Variants in RGS3 observed in about 807,000 individuals in gnomAD.
The protein encoded by RGS3 is regulator of G-protein signalling 3.
RGS3 carries 80 observed loss-of-function variants against 132.6 expected under a neutral mutation model. That is an observed-to-expected ratio of 0.60 (90% CI 0.50 to 0.73). The LOEUF is 0.73. Ranked by LOEUF, RGS3 falls within the 30% of genes least tolerant of loss-of-function variation. RGS3 has a pLI of 0.00. For missense variants in RGS3, 1,382 were observed against 1,530.8 expected (o/e 0.90, Z 1.62); for synonymous variants, 598 against 620.6 (o/e 0.96, Z 0.54).
chr9:113,561,680 C>T (rs565689705), intron 19 of RGS3, among the ~76,000 whole-genome samples: 30 of 152,090 alleles, frequency 2.0e-4, no homozygotes, highest in African/African-American at 7.0e-4. Flanking sequence ...CCTCAGCCTC[C>T]CAAAGTGCTG....
chr9:113,492,712 AT>A (rs1251328996), intron 7 of RGS3, among the ~76,000 whole-genome samples: 4 of 152,204 alleles, frequency 2.6e-5, no homozygotes, highest in African/African-American at 9.6e-5. Flanking sequence ...CTGTATTGTC[AT>A]ATACTCAGGT....
In RGS3 at chr9:113,594,238, A is replaced by G; in HGVS notation, c.3081-192A>G. On this transcript the variant is annotated intron_variant, in intron 21 of 24. Coordinates refer to ENST00000350696, the Ensembl canonical transcript of RGS3. The stretch of plus-strand genomic sequence containing the variant: ...CAGGAGCCAGAGTGGTGCCTCCTAC[A>G]GACCAATCTGCGGCCCCAAGGTGGG... The G allele has an allele frequency of 1.9e-6, 3 of 1,612,696 alleles. No homozygotes were observed. The South Asian group carries it at 3.3e-5, about 18-fold the overall frequency.
intron 10 of RGS3, among the ~76,000 whole-genome samples, chr9:113,500,471 C>A (rs940241358): frequency 6.6e-6 from 1 of 152,158 alleles, no homozygotes; most frequent in Non-Finnish European, 1.5e-5. Flanking sequence ...CCTGGGACTG[C>A]CAGGCAAGAA....
intron 14 of RGS3, among the ~76,000 whole-genome samples, chr9:113,509,445 T>C (rs1434335312): frequency 6.6e-6 from 1 of 152,132 alleles, no homozygotes; most frequent in East Asian, 1.9e-4. Flanking sequence ...AGGGTAGCTG[T>C]CTTTGAAGTG....
chr9:113,543,652 G>T (rs1393502940), intron 19 of RGS3, among the ~76,000 whole-genome samples: 3 of 152,212 alleles, frequency 2.0e-5, no homozygotes, highest in Non-Finnish European at 4.4e-5. Flanking sequence ...GTCTGGGAAG[G>T]CAGCAAGCTC....
chr9:113,478,118 G>A (rs933059747), intron 3 of RGS3, among the ~76,000 whole-genome samples: 7 of 151,984 alleles, frequency 4.6e-5, no homozygotes, highest in Admixed American at 4.6e-4. Context: ...AAACAAAAAT[G>A]GGAAAAGCCA....
intron 7 of RGS3, among the ~76,000 whole-genome samples, chr9:113,486,856 A>G (rs1830347266): frequency 6.6e-6 from 1 of 152,208 alleles, no homozygotes; most frequent in Non-Finnish European, 1.5e-5. Flanking sequence ...TCCACTTTTC[A>G]TCCTAGGGTA....
rs1364054937 is a variant in RGS3 at position 113,454,683 on chromosome 9, C to T, written c.-12-5562C>T. On this transcript the variant is annotated intron_variant, in intron 1 of 25. Coordinates refer to the RGS3 transcript ENST00000374140. ...GATCCTTTTGGGTCTTGCTTTTAAA[C>T]TTTTTTTTTTTTTTTTTTTTTTAGA... 2.5e-3 allele frequency among the ~76,000 whole-genome samples: 308 copies of T among 121,252 alleles called. 1 individual carries two copies. Among genetic ancestry groups the T allele is most frequent in the African/African-American group, 8.4e-3 (277 of 33,028 alleles). 79.5% of individuals were successfully genotyped at this position (121,252 alleles called of 152,430 possible).
exon 25 of RGS3, chr9:113,596,997 G>A: frequency 2.0e-6 from 3 of 1,529,914 alleles, no homozygotes; most frequent in Non-Finnish European, 2.6e-6. Context: ...GGCGGGCTGG[G>A]TCCCCTGCCC....
intron 16 of RGS3, among the ~76,000 whole-genome samples, chr9:113,521,240 C>T (rs566313591): frequency 1.0e-3 from 153 of 152,274 alleles, no homozygotes; most frequent in South Asian, 8.5e-3. Flanking sequence ...CTGAGAGCTC[C>T]TTCAAGGACG....
At chr9:113,551,429 C>T (rs759492002) in intron 19 of RGS3, among the ~76,000 whole-genome samples, 13 of 152,188 alleles carry the variant, frequency 8.5e-5, no homozygotes, top group Non-Finnish European at 4.4e-5. Flanking sequence ...TGCTGCTATA[C>T]ATATATGTGT....
intron 22 of RGS3, 69 bp from the exon 21 acceptor site, chr9:113,594,842 AGGCCGCCT>A (rs1835674564): frequency 7.0e-7 from 1 of 1,437,840 alleles, no homozygotes; most frequent in African/African-American, 1.4e-5. Flanking sequence ...CAGTAAACAA[AGGCCGCCT>A]GGCCCAGCTT....
chr9:113,524,575 A>G, intron 17 of RGS3, among the ~76,000 whole-genome samples: 1 of 152,220 alleles, frequency 6.6e-6, no homozygotes, highest in Non-Finnish European at 1.5e-5. Flanking sequence ...GGGAGAAGGT[A>G]GTAGAGGAGC....
rs995957025 is a variant in RGS3 at position 113,565,209 on chromosome 9, G to A, written c.2038-18241G>A. On this transcript the variant is annotated intron_variant, in intron 19 of 24. Coordinates refer to ENST00000350696, the Ensembl canonical transcript of RGS3. This position sits in a 1 kb window ranked among gnomAD's most constrained non-coding sequence, Gnocchi z 5.7. ...AGCCAGCTGGGCCCCTCGCGGGGTGGGCAGAAGGACGGGCTGGCCCAGGAC... is the reference window on the plus strand; with the variant it reads ...AGCCAGCTGGGCCCCTCGCGGGGTGAGCAGAAGGACGGGCTGGCCCAGGAC... The A allele has an allele frequency of 7.9e-7, 1 of 1,259,014 alleles. No homozygotes were observed. The highest frequency in any genetic ancestry group is 2.5e-5 in the Admixed American group (1 of 40,180). 78.0% of individuals were successfully genotyped at this position (1,259,014 alleles called of 1,614,324 possible).
At chr9:113,516,291 G>A (rs1831657015) in intron 15 of RGS3, among the ~76,000 whole-genome samples, 1 of 152,064 alleles carries the variant, frequency 6.6e-6, no homozygotes, top group Non-Finnish European at 1.5e-5. Context: ...CCTTTCTGTG[G>A]GTCTCTTCTC....
chr9:113,491,526 C>T (rs930258370), intron 7 of RGS3, among the ~76,000 whole-genome samples: 2 of 151,918 alleles, frequency 1.3e-5, no homozygotes, highest in Non-Finnish European at 2.9e-5. Flanking sequence ...GCTGACATTA[C>T]AGCCATGAGC....
intron 5 of RGS3, 111 bp from the exon 4 acceptor site, chr9:113,484,027 C>T: frequency 1.5e-6 from 1 of 665,186 alleles, no homozygotes; most frequent in Non-Finnish European, 2.7e-6. Context: ...TCTGCAGAGG[C>T]TGACTTGAAG....
At chr9:113,563,452 C>T (rs946143028) in intron 19 of RGS3, among the ~76,000 whole-genome samples, 1 of 152,172 alleles carries the variant, frequency 6.6e-6, no homozygotes, top group Non-Finnish European at 1.5e-5. Context: ...ATTCAGGCTC[C>T]CCACCCTAAG....
chr9:113,577,645 G>C (rs1273324941), intron 19 of RGS3, among the ~76,000 whole-genome samples: 5 of 152,180 alleles, frequency 3.3e-5, no homozygotes, highest in Admixed American at 6.5e-5. Flanking sequence ...CCACACAGCT[G>C]TCCTCTGTGT....
Sources: allele counts gnomAD v4.1 joint callset (sites outside exome capture counted in the v4.1 genomes callset), GRCh38; gene constraint gnomAD v4.1.1; non-coding constraint Gnocchi (gnomAD v3.1); transcripts MANE v1.5; gene names NCBI Gene and HGNC (gene_info 2026-07-23, HGNC 2026-07-21).